Variants in LRRC49 observed in about 807,000 individuals in gnomAD.
The protein encoded by LRRC49 is leucine-rich repeat-containing protein 49.
In LRRC49, 50 loss-of-function variants were observed where a neutral mutation model predicts 83.3. That is an observed-to-expected ratio of 0.60 (90% CI 0.48 to 0.76). The LOEUF (loss-of-function observed/expected upper bound fraction) is 0.76, where lower values mean the gene tolerates loss of function less well. Among genes scored for constraint, LRRC49 ranks in the 30% least tolerant of loss-of-function variants. LRRC49 has a pLI of 0.00. For missense variants in LRRC49, 704 were observed against 809.1 expected, an observed-to-expected ratio of 0.87 and a Z score of 1.58; for synonymous variants, 286 against 283.3, an observed-to-expected ratio of 1.01 and a Z score of -0.10.
At position 70,964,029 on chromosome 15, in the gene LRRC49, A is replaced by C. The variant is rs572378575; in HGVS notation, c.921+97A>C. On this transcript the variant is annotated intron_variant, in intron 9 of 15. Transcript: ENST00000260382. ...TTTGCTTGAAATGCTTCTTAATTTT[A>C]GTGAACTATGGGTTATCATGATTGT... 8.2e-6 allele frequency: 10 copies of C among 1,215,876 alleles called. No individual in the cohort carries two copies. In the African/African-American group the frequency reaches 1.5e-4, roughly 18 times the overall value. 75.3% of individuals were successfully genotyped at this position (1,215,876 alleles called of 1,614,324 possible).
intron 4 of LRRC49, among the ~76,000 whole-genome samples, chr15:70,901,639 C>G (rs1191479104): frequency 6.6e-6 from 1 of 152,218 alleles, no homozygotes; most frequent in African/African-American, 2.4e-5. Context: ...GCCCCCTTCT[C>G]TGCTTTCATT....
intron 3 of LRRC49, chr15:70,900,496 T>C: frequency 4.4e-6 from 2 of 456,810 alleles, no homozygotes; most frequent in African/African-American, 2.0e-5. Flanking sequence ...ACGAGGTCCT[T>C]ATCAGCATTT....
rs190250688 is a variant in LRRC49 at position 70,915,074 on chromosome 15, C to T, written c.567+3476C>T. 5.2e-4 allele frequency among the ~76,000 whole-genome samples: 79 copies of T among 152,314 alleles called. 1 individual carries two copies. The South Asian group carries it at 0.012, about 23-fold the overall frequency. The stretch of plus-strand genomic sequence containing the variant: ...GTATATCAATCAATCAAGACCTATG[C>T]TGTCACTTTATACAACCCTTTGCCT... On this transcript the variant is annotated intron_variant, in intron 6 of 15. Coordinates refer to ENST00000260382, the MANE Select transcript of LRRC49 (RefSeq NM_017691.5).
intron 6 of LRRC49, among the ~76,000 whole-genome samples, chr15:70,915,147 A>G (rs986075844): frequency 5.9e-5 from 9 of 152,204 alleles, no homozygotes; most frequent in African/African-American, 2.2e-4. Flanking sequence ...CCATGGCTGT[A>G]ACGAGTAATT....
intron 11 of LRRC49, among the ~76,000 whole-genome samples, chr15:70,994,682 C>T (rs1401728258): frequency 6.6e-6 from 1 of 152,046 alleles, no homozygotes; most frequent in Non-Finnish European, 1.5e-5. Context: ...GCCATGTTGC[C>T]CAGGCTGGTC....
chr15:71,022,274 G>A lies in LRRC49; in HGVS notation c.1703+9361G>A, dbSNP rs888160902. Among the ~76,000 whole-genome samples, 133 of 152,224 alleles carry A rather than the reference G, an allele frequency of 8.7e-4. 1 individual carries two copies. The highest frequency in any genetic ancestry group is 3.1e-3 in the African/African-American group (130 of 41,540). ...TGTAATCCCAGCTACTCAGGAGGCT[G>A]AGGCATGAGAATCACTTGAACCCAG... On this transcript the variant is annotated intron_variant, in intron 14 of 15. Coordinates refer to ENST00000260382, the MANE Select transcript of LRRC49 (RefSeq NM_017691.5).
At chr15:70,969,027 T>A (rs1392161411) in intron 9 of LRRC49, among the ~76,000 whole-genome samples, 1 of 152,218 alleles carries the variant, frequency 6.6e-6, no homozygotes, top group Non-Finnish European at 1.5e-5. Context: ...TTACCGTTGC[T>A]TTTGGTGTTT....
chr15:70,903,205 A>C (rs557628952), intron 4 of LRRC49, among the ~76,000 whole-genome samples: 1 of 152,246 alleles, frequency 6.6e-6, no homozygotes, highest in South Asian at 2.1e-4. Context: ...ACAAAGATAC[A>C]AATTTTAAGG....
intron 1 of LRRC49, among the ~76,000 whole-genome samples, chr15:70,870,577 G>A (rs1451531465): frequency 1.3e-5 from 2 of 152,076 alleles, no homozygotes; most frequent in Admixed American, 6.5e-5. Flanking sequence ...CAAAACCTCC[G>A]CCTCCTGGGT....
At chr15:70,958,514 C>T (rs2036482096) in intron 8 of LRRC49, among the ~76,000 whole-genome samples, 1 of 152,098 alleles carries the variant, frequency 6.6e-6, no homozygotes, top group South Asian at 2.1e-4. Context: ...TTGATTCAAG[C>T]TTTATGTACA....
intron 14 of LRRC49, among the ~76,000 whole-genome samples, chr15:71,025,965 G>A (rs1404119651): frequency 6.6e-6 from 1 of 152,120 alleles, no homozygotes; most frequent in East Asian, 1.9e-4. Flanking sequence ...AGATCATTGA[G>A]ACAGAAAATT....
chr15:71,010,356 A>G (rs914078375), intron 13 of LRRC49, among the ~76,000 whole-genome samples: 1 of 151,986 alleles, frequency 6.6e-6, no homozygotes, highest in Non-Finnish European at 1.5e-5. Flanking sequence ...ACTGCCTGCT[A>G]TGCAAGAGGG....
intron 8 of LRRC49, among the ~76,000 whole-genome samples, chr15:70,943,067 G>T (rs1050801149): frequency 6.6e-6 from 1 of 151,764 alleles, no homozygotes; most frequent in Non-Finnish European, 1.5e-5. Flanking sequence ...TGTTTTGATT[G>T]TATTCTGGGC....
chr15:71,019,898 A>G (rs2038942307), intron 14 of LRRC49, among the ~76,000 whole-genome samples: 1 of 152,222 alleles, frequency 6.6e-6, no homozygotes, highest in Non-Finnish European at 1.5e-5. Flanking sequence ...AAGGGCAATT[A>G]CCAGCATACA....
intron 11 of LRRC49, among the ~76,000 whole-genome samples, chr15:70,997,568 T>C (rs1324330682): frequency 6.6e-6 from 1 of 152,126 alleles, no homozygotes; most frequent in Non-Finnish European, 1.5e-5. Context: ...CTGGCCAACA[T>C]GGCGAAACCC....
chr15:70,884,244 A>C (rs1027757774), intron 2 of LRRC49, among the ~76,000 whole-genome samples: 9 of 152,122 alleles, frequency 5.9e-5, no homozygotes, highest in Non-Finnish European at 1.3e-4. Flanking sequence ...ACCCAAGTTA[A>C]AGAAACTTTG....
chr15:71,045,474 G>A (rs549672862), intron 15 of LRRC49, among the ~76,000 whole-genome samples: 2 of 152,050 alleles, frequency 1.3e-5, no homozygotes, highest in Admixed American at 6.6e-5. Context: ...ATAATTCAGC[G>A]TGCATTTCAT....
chr15:71,038,844 A>G (rs898608277), intron 15 of LRRC49, among the ~76,000 whole-genome samples: 3 of 152,146 alleles, frequency 2.0e-5, no homozygotes, highest in African/African-American at 4.8e-5. Context: ...CACTCTCTAC[A>G]TTCATACTTT....
chr15:70,939,113 T>A (rs2035708545), intron 8 of LRRC49, among the ~76,000 whole-genome samples: 1 of 152,176 alleles, frequency 6.6e-6, no homozygotes, highest in African/African-American at 2.4e-5. Flanking sequence ...GATGAAAAAA[T>A]TTGAAAAATT....
Sources: gnomAD v4.1 joint callset for allele counts (sites outside exome capture counted in the v4.1 genomes callset) on GRCh38, gnomAD v4.1.1 for gene constraint, MANE v1.5 for transcripts, NCBI Gene and HGNC (gene_info 2026-07-23, HGNC 2026-07-21) for gene names.